The following RANBP2 variants were observed in gnomAD, a reference collection of about 807,000 sequenced individuals.
RANBP2 encodes RAN binding protein 2.
RANBP2 carries 57 observed loss-of-function variants against 303.6 expected under a neutral mutation model. That is an observed-to-expected ratio of 0.19 (90% confidence interval 0.15 to 0.23). RANBP2 has a LOEUF of 0.23. Among genes scored for constraint, RANBP2 ranks in the 10% least tolerant of loss-of-function variants. The probability of loss-of-function intolerance (pLI) is 1.00; values close to 1 mark genes in which losing one functional copy is unlikely to be tolerated. For synonymous variants in RANBP2, 1,167 were observed against 1,301.5 expected (o/e 0.90, Z 2.23); for missense variants, 3,138 against 3,780.8 (o/e 0.83, Z 4.46).
the RANBP2 span, among the ~76,000 whole-genome samples, chr2:109,763,527 A>G: frequency 6.7e-6 from 1 of 150,296 alleles, no homozygotes; most frequent in Admixed American, 6.8e-5. Flanking sequence ...ATTACAAAAC[A>G]AAACCTCGAT....
chr2:109,351,730 T>A, the RANBP2 span, among the ~76,000 whole-genome samples: 1 of 152,188 alleles, frequency 6.6e-6, no homozygotes, highest in Non-Finnish European at 1.5e-5. Context: ...AGGCTTGCCA[T>A]ATCAGCCCTA....
the RANBP2 span, among the ~76,000 whole-genome samples, chr2:109,005,238 T>C: frequency 1.3e-5 from 2 of 152,238 alleles, no homozygotes; most frequent in Admixed American, 6.5e-5. Flanking sequence ...AGCAATCTAT[T>C]AATTAACCTT....
At chr2:109,000,353 C>T in the RANBP2 span, among the ~76,000 whole-genome samples, 1 of 151,990 alleles carries the variant, frequency 6.6e-6, no homozygotes, top group African/African-American at 2.4e-5. Flanking sequence ...ATAGCAAGAC[C>T]CCCTCTCTAC....
chr2:109,628,688 T>A, the RANBP2 span, among the ~76,000 whole-genome samples: 1 of 152,236 alleles, frequency 6.6e-6, no homozygotes, highest in Non-Finnish European at 1.5e-5. Context: ...GCTCTCTGCT[T>A]GCTTATGTAT....
the RANBP2 span, among the ~76,000 whole-genome samples, chr2:108,827,358 AAAAT>A: frequency 5.9e-5 from 9 of 152,350 alleles, no homozygotes; most frequent in African/African-American, 1.9e-4. Context: ...CAAAGCTAGT[AAAAT>A]AAATAAAAGA....
the RANBP2 span, chr2:109,127,700 A>G: frequency 6.6e-6 from 1 of 152,198 alleles, no homozygotes; most frequent in African/African-American, 2.4e-5. Flanking sequence ...TAAATTAAAA[A>G]TTTAGCCAGG....
the RANBP2 span, among the ~76,000 whole-genome samples, chr2:108,848,639 G>C: frequency 6.6e-6 from 1 of 152,212 alleles, no homozygotes; most frequent in Non-Finnish European, 1.5e-5. Context: ...AGTTGAGGAA[G>C]TGTTAGGGAA....
the RANBP2 span, among the ~76,000 whole-genome samples, chr2:109,535,757 A>G: frequency 6.6e-6 from 1 of 152,174 alleles, no homozygotes; most frequent in Non-Finnish European, 1.5e-5. Context: ...CACAATTAGC[A>G]TAGGTATGTG....
chr2:109,548,775 C>T, the RANBP2 span, among the ~76,000 whole-genome samples: 24 of 63,542 alleles, frequency 3.8e-4, no homozygotes, highest in African/African-American at 1.5e-3. Flanking sequence ...GGCTCCATCT[C>T]AAAAAAAAAA....
At chr2:109,245,491 CCTTT>C in the RANBP2 span, among the ~76,000 whole-genome samples, 1 of 152,136 alleles carries the variant, frequency 6.6e-6, no homozygotes, top group Non-Finnish European at 1.5e-5. Flanking sequence ...TGATTATTTT[CCTTT>C]CTAAGAGTCA....
chr2:109,730,933 C>T, the RANBP2 span, among the ~76,000 whole-genome samples: 1 of 151,764 alleles, frequency 6.6e-6, no homozygotes. Flanking sequence ...GGTTTACAGG[C>T]ATGCACCACC....
intron 6 of RANBP2, among the ~76,000 whole-genome samples, chr2:108,737,336 T>TTTC (rs558059778): frequency 2.1e-4 from 23 of 111,586 alleles, no homozygotes; most frequent in African/African-American, 8.6e-4. Context: ...TCTTTCTTTC[T>TTTC]TTTTTTTTTT....
chr2:108,911,963 C>T, the RANBP2 span, among the ~76,000 whole-genome samples: 9 of 152,174 alleles, frequency 5.9e-5, no homozygotes, highest in African/African-American at 1.2e-4. Context: ...TAATATTCTC[C>T]GTGTTTTGAG....
chr2:109,366,802 G>C, the RANBP2 span, among the ~76,000 whole-genome samples: 2 of 152,200 alleles, frequency 1.3e-5, no homozygotes, highest in South Asian at 4.1e-4. Flanking sequence ...GCAGTGAGCT[G>C]TGATTGTGCC....
At chr2:109,105,721 A>C in the RANBP2 span, among the ~76,000 whole-genome samples, 7 of 150,468 alleles carry the variant, frequency 4.7e-5, no homozygotes, top group Non-Finnish European at 8.9e-5. Flanking sequence ...CGCCCAGCTA[A>C]TTTTTTTGTA....
intron 15 of RANBP2, among the ~76,000 whole-genome samples, chr2:108,754,663 T>A (rs1317151418): frequency 6.6e-6 from 1 of 151,780 alleles, no homozygotes; most frequent in Non-Finnish European, 1.5e-5. Context: ...GATGTTAGAT[T>A]GTACAACACT....
the RANBP2 span, among the ~76,000 whole-genome samples, chr2:109,296,546 GA>G: frequency 6.6e-6 from 1 of 152,274 alleles, no homozygotes; most frequent in East Asian, 1.9e-4. Flanking sequence ...CCAGCCTTCA[GA>G]ATGACCTTTT....
At chr2:108,798,728 C>G in the RANBP2 span, 4 of 585,510 alleles carry the variant, frequency 6.8e-6, no homozygotes, top group Non-Finnish European at 1.2e-5. Context: ...CACACACACA[C>G]ACACACACAC....
the RANBP2 span, among the ~76,000 whole-genome samples, chr2:109,303,241 C>T: frequency 6.6e-6 from 1 of 152,226 alleles, no homozygotes; most frequent in African/African-American, 2.4e-5. Context: ...TTGGCCCCAA[C>T]AGGATCTGAG....
Sources: gnomAD v4.1 joint callset for allele counts (sites outside exome capture counted in the v4.1 genomes callset) on GRCh38, gnomAD v4.1.1 for gene constraint, MANE v1.5 for transcripts, NCBI Gene and HGNC (gene_info 2026-07-23, HGNC 2026-07-21) for gene names.